The following ACSS2 variants were observed in gnomAD, a reference collection of about 807,000 sequenced individuals.
ACSS2 encodes acyl-CoA synthetase short chain family member 2.
A neutral mutation model predicts 90.6 loss-of-function variants in ACSS2; 58 were observed. The ratio of observed to expected loss-of-function variants is 0.64; its 90% CI spans 0.52 to 0.80. The LOEUF (loss-of-function observed/expected upper bound fraction) is 0.80. Ranked by LOEUF, ACSS2 falls within the 30% of genes least tolerant of loss-of-function variation. ACSS2 has a pLI of 0.00. For synonymous variants in ACSS2, 300 were observed against 330.9 expected (o/e 0.91, Z 1.01); for missense variants, 759 against 912.0 (o/e 0.83, Z 2.16).
chr20:34,914,841 T>G (rs1311411303), intron 7 of ACSS2, among the ~76,000 whole-genome samples: 1 of 151,944 alleles, frequency 6.6e-6, no homozygotes, highest in Non-Finnish European at 1.5e-5. Context: ...AGGACCAGAG[T>G]CCAGCCCTCA....
intron 16 of ACSS2, 27 bp downstream of exon 16, chr20:34,926,308 A>G: frequency 6.2e-7 from 1 of 1,608,570 alleles, no homozygotes; most frequent in Middle Eastern, 1.7e-4. Flanking sequence ...GGCAGGGACT[A>G]TAGGGTCTGT....
rs1202938284 is a variant in ACSS2 at position 34,925,717 on chromosome 20, T to C, written c.1677T>C (p.Asp559=). ...TCCCAGGCTGCCAGCGGGACCAGGA[T>C]GGCTATTACTGGATCACTGGCAGGA... The part of the protein sequence containing the change: ...VTGDGCQRDQ[D]GYYWITGRID... Residue 559 remains aspartate (D), a synonymous_variant, in exon 15 of 18, where the codon GAT becomes GAC. Transcript: ENST00000360596. The C allele has an allele frequency of 4.3e-6, 7 of 1,613,678 alleles. No homozygotes were observed. The highest frequency in any genetic ancestry group is 5.9e-6 in the Non-Finnish European group (7 of 1,179,900).
intron 2 of ACSS2, among the ~76,000 whole-genome samples, chr20:34,887,452 T>G (rs143812382): frequency 2.3e-4 from 35 of 152,318 alleles, no homozygotes; most frequent in African/African-American, 8.4e-4. Flanking sequence ...AAAGACCAAA[T>G]AGATTGGCCG....
chr20:34,906,773 A>G (rs2080817027), intron 2 of ACSS2, among the ~76,000 whole-genome samples: 1 of 152,068 alleles, frequency 6.6e-6, no homozygotes. Context: ...ACCTGAGGTC[A>G]GGGGTGTGAG....
At chr20:34,898,945 C>A (rs570910259) in intron 2 of ACSS2, among the ~76,000 whole-genome samples, 1 of 152,302 alleles carries the variant, frequency 6.6e-6, no homozygotes, top group Non-Finnish European at 1.5e-5. Context: ...CGAGCCCTGC[C>A]CCGCGGGAAG....
chr20:34,879,088 T>A (rs1271590848), intron 1 of ACSS2, among the ~76,000 whole-genome samples: 3 of 151,810 alleles, frequency 2.0e-5, no homozygotes, highest in African/African-American at 7.3e-5. Context: ...GTATTTTTAG[T>A]AGAGACGGGC....
chr20:34,901,396 T>A (rs1401494553), intron 2 of ACSS2, among the ~76,000 whole-genome samples: 1 of 152,118 alleles, frequency 6.6e-6, no homozygotes, highest in South Asian at 2.1e-4. Context: ...TATCTGGCCC[T>A]CCTCTGGCAT....
intron 13 of ACSS2, 160 bp downstream of exon 13, chr20:34,922,026 C>T (rs182341291): frequency 5.4e-5 from 75 of 1,394,806 alleles, no homozygotes; most frequent in African/African-American, 4.3e-4. Flanking sequence ...AGGGGACCCT[C>T]GATACTTTGC....
chr20:34,898,922 G>A (rs1336231550), intron 2 of ACSS2, among the ~76,000 whole-genome samples: 2 of 152,188 alleles, frequency 1.3e-5, no homozygotes, highest in Admixed American at 6.5e-5. Context: ...CAGGCATGGC[G>A]GGCTGCAGGT....
Position 34,914,331 on chromosome 20 carries a change from C to A in ACSS2, c.728C>A (p.Pro243Gln). ...GCTTTTCTCTTCTCCAGGGGTTTCC[C>A]AGTAAGATGCTGCATTGTGGTCAAG... ...ALQKCQEKGF[P>Q]VRCCIVVKHL... The change falls in exon 7 of 18, where the codon CCA becomes CAA. Residue 243 changes from proline to glutamine, a missense_variant. Pro to Gln is a moderately conservative substitution (Grantham distance 76, BLOSUM62 -1). Coordinates refer to ENST00000360596, the MANE Select transcript of ACSS2 (RefSeq NM_018677.4). 1 of 1,613,058 alleles carries A rather than the reference C, an allele frequency of 6.2e-7. No individual in the cohort carries two copies.
chr20:34,924,489 G>A (rs2081272950), intron 14 of ACSS2, among the ~76,000 whole-genome samples: 1 of 152,164 alleles, frequency 6.6e-6, no homozygotes, highest in Non-Finnish European at 1.5e-5. Context: ...GGAAAATCTA[G>A]AGTAAGAGTG....
At position 34,927,111 on chromosome 20, in the gene ACSS2, G is replaced by T; in HGVS notation, c.2003G>T (p.Arg668Leu). Residue 668 changes from arginine (R) to leucine (L), a missense_variant, in exon 18 of 18, where the codon CGG becomes CTG. Arg to Leu is a moderately radical substitution (Grantham distance 102). Coordinates refer to ENST00000360596, the MANE Select transcript of ACSS2 (RefSeq NM_018677.4). The surrounding 1 kb of genome is among the most constrained non-coding windows in gnomAD (Gnocchi z 4.2). The part of the protein sequence containing the change: ...RSGKIMRRVL[R>L]KIAQNDHDLG... ...GGGAAAATCATGAGGCGAGTGCTTC[G>T]GAAGATTGCTCAGAATGACCATGAC... is the stretch of plus-strand genomic sequence containing the variant. 1 of 1,614,110 alleles carries T rather than the reference G, an allele frequency of 6.2e-7. No homozygotes were observed. Among genetic ancestry groups the T allele is most frequent in the Admixed American group, 1.7e-5 (1 of 60,012 alleles).
intron 2 of ACSS2, among the ~76,000 whole-genome samples, chr20:34,905,042 C>T (rs919075345): frequency 9.9e-5 from 15 of 151,104 alleles, no homozygotes; most frequent in Non-Finnish European, 1.9e-4. Context: ...TTTAGCCTCT[C>T]GAGTAGCTGG....
At chr20:34,917,471 G>T (rs753791958) in intron 7 of ACSS2, among the ~76,000 whole-genome samples, 13 of 152,216 alleles carry the variant, frequency 8.5e-5, no homozygotes, top group Non-Finnish European at 1.6e-4. Context: ...AGGTGGTACA[G>T]AAAGAACGGA....
At chr20:34,888,062 T>A (rs2080242160) in intron 2 of ACSS2, among the ~76,000 whole-genome samples, 2 of 61,084 alleles carry the variant, frequency 3.3e-5, no homozygotes, top group African/African-American at 7.8e-5. Context: ...AGAGCAAGAC[T>A]CCATCAAAAA....
At chr20:34,909,862 G>C (rs868195917) in intron 2 of ACSS2, among the ~76,000 whole-genome samples, 1 of 151,806 alleles carries the variant, frequency 6.6e-6, no homozygotes, top group African/African-American at 2.4e-5. Flanking sequence ...GACTACAGGC[G>C]TGCACCACCA....
intron 13 of ACSS2, chr20:34,923,032 C>A (rs746136881): frequency 3.6e-6 from 1 of 279,226 alleles, no homozygotes; most frequent in Non-Finnish European, 6.9e-6. Flanking sequence ...AATAGAACAC[C>A]GTGCTAGGCA....
At chr20:34,908,957 CATAAAA>C (rs1284889981) in intron 2 of ACSS2, 2 of 438,226 alleles carry the variant, frequency 4.6e-6, no homozygotes, top group Non-Finnish European at 9.1e-6. Flanking sequence ...AGTAAAGTGA[CATAAAA>C]ATAAAAATAT....
intron 2 of ACSS2, among the ~76,000 whole-genome samples, chr20:34,907,015 A>G (rs941331952): frequency 6.6e-6 from 1 of 150,862 alleles, no homozygotes; most frequent in South Asian, 2.1e-4. Context: ...GATCTCTGCT[A>G]TCATGGAGCT....
Sources: gnomAD v4.1 joint callset for allele counts (sites outside exome capture counted in the v4.1 genomes callset) on GRCh38, gnomAD v4.1.1 for gene constraint, Gnocchi (gnomAD v3.1) non-coding constraint, MANE v1.5 for transcripts, NCBI Gene and HGNC (gene_info 2026-07-23, HGNC 2026-07-21) for gene names.